Variants in PTPRO observed in about 807,000 individuals in gnomAD.
PTPRO encodes receptor-type tyrosine-protein phosphatase O.
A neutral mutation model predicts 145.2 loss-of-function variants in PTPRO; 62 were observed. The ratio of observed to expected loss-of-function variants is 0.43; its 90% CI spans 0.35 to 0.53. PTPRO has a LOEUF of 0.53. PTPRO is among the 20% of genes least tolerant of loss of function. PTPRO has a pLI of 0.01. For synonymous variants in PTPRO, 565 were observed against 514.7 expected, an observed-to-expected ratio of 1.10 and a Z score of -1.32; for missense variants, 1,345 against 1,482.7, an observed-to-expected ratio of 0.91 and a Z score of 1.53.
chr12:15,450,782 T>C (rs538333400), intron 1 of PTPRO, among the ~76,000 whole-genome samples: 4 of 151,506 alleles, frequency 2.6e-5, no homozygotes, highest in African/African-American at 7.3e-5. Flanking sequence ...CAAAAAAAAT[T>C]TTTTTTTAAA....
At chr12:15,385,319 C>G (rs887433141) in intron 1 of PTPRO, among the ~76,000 whole-genome samples, 1 of 152,108 alleles carries the variant, frequency 6.6e-6, no homozygotes, top group Non-Finnish European at 1.5e-5. Context: ...AGAAGTATAA[C>G]GTTGATGCTT....
At chr12:15,482,792 T>C (rs544716540) in intron 1 of PTPRO, among the ~76,000 whole-genome samples, 8 of 152,248 alleles carry the variant, frequency 5.3e-5, no homozygotes, top group African/African-American at 1.9e-4. Context: ...TCATGTGTTA[T>C]GTGTTATATG....
chr12:15,566,015 G>A lies in PTPRO; in HGVS notation c.2747+387G>A, dbSNP rs141766219. ...AATTCTGTGTTTATTGCAGGAAAAG[G>A]CTTTTACTCTATTTGATGTTATAAT... is the stretch of plus-strand genomic sequence containing the variant. On this transcript the variant is annotated intron_variant, in intron 18 of 26. Coordinates refer to ENST00000281171, the MANE Select transcript of PTPRO (RefSeq NM_030667.3). 2.2e-4 allele frequency among the ~76,000 whole-genome samples: 33 copies of A among 152,180 alleles called. No homozygotes were observed. The East Asian group carries it at 5.2e-3, about 24-fold the overall frequency.
At chr12:15,445,563 C>A (rs972940854) in intron 1 of PTPRO, among the ~76,000 whole-genome samples, 15 of 152,140 alleles carry the variant, frequency 9.9e-5, no homozygotes, top group Non-Finnish European at 2.1e-4. Context: ...TCATCAATTT[C>A]ATGTGGCCTA....
At chr12:15,528,753 G>A (rs765694082) in intron 12 of PTPRO, among the ~76,000 whole-genome samples, 1 of 151,838 alleles carries the variant, frequency 6.6e-6, no homozygotes, top group Non-Finnish European at 1.5e-5. Context: ...AAAGGTCAAG[G>A]ACAAAGAGAA....
intron 1 of PTPRO, among the ~76,000 whole-genome samples, chr12:15,477,751 G>A (rs1003209722): frequency 1.3e-5 from 2 of 152,140 alleles, no homozygotes; most frequent in African/African-American, 4.8e-5. Context: ...ACAGTCAAGT[G>A]CTCCCGCTGC....
chr12:15,536,431 G>A (rs1043780293), intron 12 of PTPRO, among the ~76,000 whole-genome samples: 2 of 152,222 alleles, frequency 1.3e-5, no homozygotes, highest in African/African-American at 4.8e-5. Context: ...AGCTATGGAA[G>A]CATAGTGTTC....
chr12:15,533,459 G>A (rs900098457), intron 12 of PTPRO, among the ~76,000 whole-genome samples: 1 of 152,050 alleles, frequency 6.6e-6, no homozygotes, highest in African/African-American at 2.4e-5. Flanking sequence ...GTGTATATAA[G>A]CCCTTTCCAT....
intron 12 of PTPRO, among the ~76,000 whole-genome samples, chr12:15,544,153 T>C (rs1323192997): frequency 6.6e-6 from 1 of 152,176 alleles, no homozygotes; most frequent in African/African-American, 2.4e-5. Flanking sequence ...AAGTTTGTGA[T>C]GATCAATGAA....
At chr12:15,497,516 A>G (rs1942132329) in intron 3 of PTPRO, 113 bp downstream of exon 3, 1 of 1,128,170 alleles carries the variant, frequency 8.9e-7, no homozygotes, top group Non-Finnish European at 1.3e-6. Context: ...TATTTGACCT[A>G]TAAATGAGCC....
intron 1 of PTPRO, among the ~76,000 whole-genome samples, chr12:15,471,199 T>C (rs1299190183): frequency 1.3e-5 from 2 of 152,022 alleles, no homozygotes; most frequent in Non-Finnish European, 2.9e-5. Context: ...GGCAACATGG[T>C]GAAACCCTGT....
intron 15 of PTPRO, among the ~76,000 whole-genome samples, chr12:15,553,082 G>A (rs59225906): frequency 6.6e-6 from 1 of 152,016 alleles, no homozygotes; most frequent in Non-Finnish European, 1.5e-5. Context: ...CTATAGGCGT[G>A]AGTCACCATG....
chr12:15,400,886 T>A (rs1939474527), intron 1 of PTPRO, among the ~76,000 whole-genome samples: 1 of 152,168 alleles, frequency 6.6e-6, no homozygotes, highest in African/African-American at 2.4e-5. Flanking sequence ...CACTGATGCA[T>A]CCCCTAGCAC....
intron 8 of PTPRO, among the ~76,000 whole-genome samples, chr12:15,516,328 C>T (rs1205634235): frequency 3.6e-5 from 5 of 138,612 alleles, no homozygotes; most frequent in Non-Finnish European, 1.5e-5. Context: ...CATAGCAAGA[C>T]CCTGTCTCAA....
intron 3 of PTPRO, among the ~76,000 whole-genome samples, chr12:15,499,223 G>C (rs1260887159): frequency 1.3e-5 from 2 of 152,104 alleles, no homozygotes; most frequent in African/African-American, 4.8e-5. Context: ...AATTGTGTTT[G>C]ATCTGCTTAG....
At chr12:15,559,257 A>G (rs1031878235) in intron 16 of PTPRO, among the ~76,000 whole-genome samples, 2 of 152,198 alleles carry the variant, frequency 1.3e-5, no homozygotes, top group Non-Finnish European at 2.9e-5. Flanking sequence ...AAAATCAAGC[A>G]CATTTTGCAG....
chr12:15,331,962 C>CT (rs200334215), intron 1 of PTPRO, among the ~76,000 whole-genome samples: 24,009 of 118,266 alleles, frequency 0.2, 3,228 homozygotes, highest in Non-Finnish European at 0.29. Context: ...CTCTTTCTTT[C>CT]TTTTTTTTTT....
intron 1 of PTPRO, among the ~76,000 whole-genome samples, chr12:15,400,453 T>C (rs1939460777): frequency 6.6e-6 from 1 of 152,192 alleles, no homozygotes; most frequent in Admixed American, 6.5e-5. Flanking sequence ...GCCTGTGTCA[T>C]TCCCATGTCA....
rs186966293 is a variant in PTPRO at position 15,463,864 on chromosome 12, G to C, written c.76-20110G>C. Reference sequence around the variant, plus strand: ...TAAAAATAAATACTCTGACACAGGAGGGGTAGGCTGGACAGCCACAGTGAG... The same window carrying C: ...TAAAAATAAATACTCTGACACAGGACGGGTAGGCTGGACAGCCACAGTGAG... On this transcript the variant is annotated intron_variant, in intron 1 of 26. Transcript: ENST00000281171. Among the ~76,000 whole-genome samples the C allele has an allele frequency of 2.6e-3, 401 of 152,296 alleles. 1 individual carries two copies. The highest frequency in any genetic ancestry group is 9.4e-3 in the African/African-American group (391 of 41,562).
Sources: allele counts gnomAD v4.1 joint callset (sites outside exome capture counted in the v4.1 genomes callset), GRCh38; gene constraint gnomAD v4.1.1; transcripts MANE v1.5; gene names NCBI Gene and HGNC (gene_info 2026-07-23, HGNC 2026-07-21).